Variants in CDCA7L observed in about 807,000 individuals in gnomAD.
CDCA7L encodes the protein cell division cycle-associated 7-like protein.
CDCA7L carries 44 observed loss-of-function variants against 57.4 expected under a neutral mutation model. The ratio of observed to expected loss-of-function variants is 0.77; its 90% CI spans 0.60 to 0.98. The LOEUF (loss-of-function observed/expected upper bound fraction) is 0.98, where lower values mean the gene tolerates loss of function less well. Among genes scored for constraint, CDCA7L ranks in the 50% least tolerant of loss-of-function variants. The pLI, the probability that CDCA7L is intolerant of heterozygous loss-of-function variation, is 0.00. For missense variants in CDCA7L, 644 were observed against 580.6 expected, an observed-to-expected ratio of 1.11 and a Z score of -1.12; for synonymous variants, 236 against 202.8, an observed-to-expected ratio of 1.16 and a Z score of -1.39.
In CDCA7L at chr7:21,900,949, A is replaced by C. The variant is rs1330774346; in HGVS notation, c.*1373T>G. On this transcript the variant is annotated 3_prime_UTR_variant, in exon 10 of 10. Coordinates refer to ENST00000406877, the MANE Select transcript of CDCA7L (RefSeq NM_018719.5). ...TTTATTGCATCAAACAACTTACTTG[A>C]TCATTATCATTAGTAGCAAGCTGCC... 1.3e-6 allele frequency: 2 copies of C among 1,502,292 alleles called. No individual in the cohort carries two copies. The highest frequency in any genetic ancestry group is 1.4e-5 in the South Asian group (1 of 69,822). 93.1% of individuals were successfully genotyped at this position (1,502,292 alleles called of 1,614,324 possible).
intron 1 of CDCA7L, chr7:21,940,318 G>T (rs1786299694): frequency 1.0e-6 from 1 of 984,656 alleles, no homozygotes; most frequent in African/African-American, 1.7e-5. Flanking sequence ...GAAGTGCTCT[G>T]AAAAGTAGAA....
At chr7:21,912,071 G>A (rs562329066) in intron 2 of CDCA7L, among the ~76,000 whole-genome samples, 2 of 151,872 alleles carry the variant, frequency 1.3e-5, no homozygotes, top group African/African-American at 2.4e-5. Flanking sequence ...AGACCAGCCT[G>A]AGCAACATAG....
intron 2 of CDCA7L, among the ~76,000 whole-genome samples, chr7:21,912,162 T>C (rs1471026020): frequency 6.6e-6 from 1 of 151,884 alleles, no homozygotes; most frequent in Non-Finnish European, 1.5e-5. Flanking sequence ...CTTGGGAGGC[T>C]AAGGTGGGAG....
At chr7:21,921,342 CAAAAA>C (rs5882833) in intron 1 of CDCA7L, among the ~76,000 whole-genome samples, 1 of 121,976 alleles carries the variant, frequency 8.2e-6, no homozygotes, top group Non-Finnish European at 1.6e-5. Context: ...CAAGATTTGC[CAAAAA>C]AAAAAAAAAA....
chr7:21,908,636 T>C (rs1785217156), intron 3 of CDCA7L, 129 bp from the exon 4 acceptor site: 1 of 1,018,400 alleles, frequency 9.8e-7, no homozygotes, highest in Admixed American at 3.1e-5. Context: ...CTTCATATTA[T>C]GAGTTCCCTC....
chr7:21,916,612 A>T (rs937614803), intron 2 of CDCA7L, 142 bp downstream of exon 2: 41 of 745,280 alleles, frequency 5.5e-5, no homozygotes, highest in South Asian at 1.1e-4. Context: ...AAACAGGAAG[A>T]CACAGACATA....
Position 21,901,396 on chromosome 7 carries a change from A to AAGTC in CDCA7L, c.*922_*925dup, listed in dbSNP as rs553686591. ...TTTTTCAACGCTATCCTTAGAGTGA[A>AAGTC]AGTCAGAAAAAAATACTAGAAACTA... On this transcript the variant is annotated 3_prime_UTR_variant, in exon 10 of 10. Transcript: ENST00000406877. 1,892 of 1,204,388 alleles carry AAGTC rather than the reference A, an allele frequency of 1.6e-3. 29 individuals carry two copies. The African/African-American group carries it at 0.026, about 17-fold the overall frequency. The allele number at this position is 1,204,388 out of a possible 1,614,324, so 74.6% of individuals were successfully genotyped here. A position where few individuals can be genotyped will look rare whatever the true frequency, so the allele number is the denominator to read the frequency against.
chr7:21,914,338 T>G (rs185784952), intron 2 of CDCA7L, among the ~76,000 whole-genome samples: 57 of 152,240 alleles, frequency 3.7e-4, no homozygotes, highest in African/African-American at 1.4e-3. Flanking sequence ...ACCATTCAAG[T>G]ATGAGGTCTC....
At chr7:21,935,546 G>T (rs905928868) in intron 1 of CDCA7L, among the ~76,000 whole-genome samples, 1 of 150,126 alleles carries the variant, frequency 6.7e-6, no homozygotes, top group Non-Finnish European at 1.5e-5. Context: ...GATATGAATA[G>T]AATAGATAAT....
chr7:21,902,332 TC>T lies in CDCA7L; in HGVS notation c.1354del (p.Glu452LysfsTer43). On this transcript the variant is annotated frameshift_variant, in exon 10 of 10. Transcript: ENST00000406877. LOFTEE classifies it high-confidence loss of function. ...YLESLQKELV[E>X]DN ...CTGTTTGTTTTCCTCTTAATTGTCT[TC>T]TACCAGCTCCTTTTGTAAGCTGGGA... 6.2e-7 allele frequency: 1 copy of T among 1,613,892 alleles called. No homozygotes were observed. The highest frequency in any genetic ancestry group is 8.5e-7 in the Non-Finnish European group (1 of 1,179,814).
intron 1 of CDCA7L, among the ~76,000 whole-genome samples, chr7:21,920,556 A>G (rs1424370508): frequency 6.6e-6 from 1 of 152,242 alleles, no homozygotes; most frequent in Non-Finnish European, 1.5e-5. Context: ...ACCATCTAAT[A>G]AAATCACTGC....
chr7:21,902,080 T>C lies in CDCA7L; in HGVS notation c.*242A>G, dbSNP rs2128054787. ...TGTGCTTTTTAATAACTGGCAGATA[T>C]TTTTAACAAAGTTCAGCATACAGAC... On this transcript the variant is annotated 3_prime_UTR_variant, in exon 10 of 10. Coordinates refer to ENST00000406877, the MANE Select transcript of CDCA7L (RefSeq NM_018719.5). 3.9e-6 allele frequency: 2 copies of C among 510,518 alleles called. No homozygotes were observed. The highest frequency in any genetic ancestry group is 3.1e-5 in the South Asian group (1 of 32,670). The allele number at this position is 510,518 out of a possible 1,614,324, so 31.6% of individuals were successfully genotyped here.
intron 1 of CDCA7L, among the ~76,000 whole-genome samples, chr7:21,937,539 G>C (rs1786208841): frequency 6.6e-6 from 1 of 151,932 alleles, no homozygotes; most frequent in East Asian, 1.9e-4. Flanking sequence ...TCGGGAGGCT[G>C]AGGCAGGAGA....
chr7:21,919,235 AC>A (rs1357999999), intron 1 of CDCA7L, among the ~76,000 whole-genome samples: 216 of 152,144 alleles, frequency 1.4e-3, no homozygotes, highest in African/African-American at 4.9e-3. Flanking sequence ...CTTTTCTTCT[AC>A]CATGTATATC....
At chr7:21,945,600 C>G (rs1018973978) in intron 1 of CDCA7L, among the ~76,000 whole-genome samples, 181 bp downstream of exon 1, 1 of 152,170 alleles carries the variant, frequency 6.6e-6, no homozygotes, top group African/African-American at 2.4e-5. Context: ...GTAGCACAAA[C>G]GTGACCCACT....
chr7:21,941,292 G>C (rs948413657), intron 1 of CDCA7L, among the ~76,000 whole-genome samples: 3 of 152,042 alleles, frequency 2.0e-5, no homozygotes, highest in African/African-American at 4.8e-5. Flanking sequence ...AAACTGTAAA[G>C]ATCTCTACGC....
intron 1 of CDCA7L, among the ~76,000 whole-genome samples, chr7:21,931,129 G>C (rs1288898443): frequency 1.3e-5 from 2 of 152,204 alleles, no homozygotes; most frequent in African/African-American, 4.8e-5. Flanking sequence ...AATTGGGGCA[G>C]TAATTAATGG....
At chr7:21,911,595 C>T (rs768508346) in intron 3 of CDCA7L, 22 bp downstream of exon 3, 4 of 1,600,116 alleles carry the variant, frequency 2.5e-6, no homozygotes, top group Non-Finnish European at 3.4e-6. Flanking sequence ...CCACCCACAT[C>T]CCTTCCTGTT....
Position 21,901,814 on chromosome 7 carries a change from T to A in CDCA7L, c.*508A>T, listed in dbSNP as rs748677058. 10 of 164,770 alleles carry A rather than the reference T, an allele frequency of 6.1e-5. No individual in the cohort carries two copies. The highest frequency in any genetic ancestry group is 1.3e-4 in the Non-Finnish European group (10 of 74,788). The allele number at this position is 164,770 out of a possible 1,614,324, so 10.2% of individuals were successfully genotyped here. A position where few individuals can be genotyped will look rare whatever the true frequency, so the allele number is the denominator to read the frequency against. ...CCCCTTTTGTTCAGTCAAGTTTTAA[T>A]AAAAATAAAACTGTTCTACAGTTAA... On this transcript the variant is annotated 3_prime_UTR_variant, in exon 10 of 10. Coordinates refer to ENST00000406877, the MANE Select transcript of CDCA7L (RefSeq NM_018719.5).
Sources: allele counts gnomAD v4.1 joint callset (sites outside exome capture counted in the v4.1 genomes callset), GRCh38; gene constraint gnomAD v4.1.1; transcripts MANE v1.5; gene names NCBI Gene and HGNC (gene_info 2026-07-23, HGNC 2026-07-21).